DYNC1H1: variants seen among roughly 807,000 people sequenced by gnomAD.
DYNC1H1 encodes dynein cytoplasmic 1 heavy chain 1.
In DYNC1H1, 51 loss-of-function variants were observed where a neutral mutation model predicts 527.1. The ratio of observed to expected loss-of-function variants is 0.10; its 90% CI spans 0.08 to 0.12. DYNC1H1 has a LOEUF of 0.12. Among genes scored for constraint, DYNC1H1 ranks in the 10% least tolerant of loss-of-function variants. DYNC1H1 has a pLI of 1.00. For missense variants in DYNC1H1, 2,771 were observed against 5,971.8 expected (o/e 0.46, Z 17.66); for synonymous variants, 2,189 against 2,278.8 (o/e 0.96, Z 1.12).
In DYNC1H1 at chr14:102,042,532, G is replaced by A. The variant is rs989199431; in HGVS notation, c.12399+25G>A. Reference sequence around the variant, plus strand: ...GGTGGGTGGTTGAAGGAGTGGAGACGTTGCAGGCTGGCCTGGCACTGTGCT... The same window carrying A: ...GGTGGGTGGTTGAAGGAGTGGAGACATTGCAGGCTGGCCTGGCACTGTGCT... On this transcript the variant is annotated intron_variant, in intron 68 of 77. Coordinates refer to ENST00000360184, the MANE Select transcript of DYNC1H1 (RefSeq NM_001376.5). This position sits in a 1 kb window ranked among gnomAD's most constrained non-coding sequence, Gnocchi z 5.7. The A allele has an allele frequency of 1.4e-5, 23 of 1,613,934 alleles. No individual in the cohort carries two copies. The highest frequency in any genetic ancestry group is 3.3e-5 in the South Asian group (3 of 91,078).
Position 101,997,347 on chromosome 14 carries a change from T to C in DYNC1H1, c.3804+73T>C. The C allele has an allele frequency of 1.2e-6, 2 of 1,608,840 alleles. No homozygotes were observed. Among genetic ancestry groups the C allele is most frequent in the Non-Finnish European group, 1.7e-6 (2 of 1,178,324 alleles). ...TGATTTGGTGACTTTCTTTCAAGCC[T>C]AAAAGGCCTTGCTGTGACTGAGCTT... is the stretch of plus-strand genomic sequence containing the variant. On this transcript the variant is annotated intron_variant, in intron 16 of 77. Transcript: ENST00000360184. The surrounding 1 kb of genome is among the most constrained non-coding windows in gnomAD (Gnocchi z 4.8).
intron 34 of DYNC1H1, among the ~76,000 whole-genome samples, chr14:102,013,659 C>T (rs1014170286): frequency 3.3e-5 from 5 of 152,066 alleles, no homozygotes; most frequent in Non-Finnish European, 7.4e-5. Flanking sequence ...TGAGTTTGTA[C>T]ACTGGGCAAG....
chr14:102,049,888 T>C lies in DYNC1H1; in HGVS notation c.13684+6T>C, dbSNP rs1306180160. On this transcript the variant is annotated splice_donor_region_variant and intron_variant, in intron 76 of 77. Coordinates refer to ENST00000360184, the MANE Select transcript of DYNC1H1 (RefSeq NM_001376.5). This position sits in a 1 kb window ranked among gnomAD's most constrained non-coding sequence, Gnocchi z 5.5. ...TTGCAGCTTCGGAGTCACGGGTGAGTGGAGTCTCACAGAAAATACTGGCTC... is the reference window on the plus strand; with the variant it reads ...TTGCAGCTTCGGAGTCACGGGTGAGCGGAGTCTCACAGAAAATACTGGCTC... 1 of 1,599,624 alleles carries C rather than the reference T, an allele frequency of 6.3e-7. No individual in the cohort carries two copies. The highest frequency in any genetic ancestry group is 8.5e-7 in the Non-Finnish European group (1 of 1,176,834).
intron 1 of DYNC1H1, among the ~76,000 whole-genome samples, chr14:101,966,828 G>A (rs1018516632): frequency 4.6e-5 from 7 of 151,908 alleles, no homozygotes; most frequent in African/African-American, 1.7e-4. Flanking sequence ...AAATTATTGG[G>A]GTGGGGGGAC....
Position 102,005,212 on chromosome 14 carries a change from C to G in DYNC1H1, c.5409C>G (p.Leu1803=). The change falls in exon 26 of 78, where the codon CTC becomes CTG. Residue 1803 remains leucine (L), a synonymous_variant. Coordinates refer to ENST00000360184, the MANE Select transcript of DYNC1H1 (RefSeq NM_001376.5). The surrounding 1 kb of genome is among the most constrained non-coding windows in gnomAD (Gnocchi z 4.0). ...ADSVLMEQPP[L]RRRKLEHLIT... is the part of the protein sequence containing the mutation. The stretch of plus-strand genomic sequence containing the variant: ...CTGTCCTCATGGAGCAGCCCCCACT[C>G]CGAAGGCGGAAGCTAGAACACTTGG... The G allele has an allele frequency of 6.2e-7, 1 of 1,614,216 alleles. No homozygotes were observed. The highest frequency in any genetic ancestry group is 8.5e-7 in the Non-Finnish European group (1 of 1,180,050).
rs1057064628 is a variant in DYNC1H1, at chr14:102,051,821, TGGGATTACAG to T, written c.*1260_*1269del. On this transcript the variant is annotated 3_prime_UTR_variant, in exon 78 of 78. Transcript: ENST00000360184. ...CTCCTGCCTCGGCCTCCTGAATAGC[TGGGATTACAG>T]GCATGCACCACCATGCCCAGCTAAT... The T allele has an allele frequency of 6.6e-6, 1 of 152,012 alleles. No homozygotes were observed. Among genetic ancestry groups the T allele is most frequent in the African/African-American group, 2.4e-5 (1 of 41,348 alleles). The allele number at this position is 152,012 out of a possible 1,614,324, so 9.4% of individuals were successfully genotyped here.
In DYNC1H1 at chr14:101,986,152, C is replaced by T. The variant is rs557248415; in HGVS notation, c.1927C>T (p.Pro643Ser). 6.2e-7 allele frequency: 1 copy of T among 1,614,192 alleles called. No individual in the cohort carries two copies. The highest frequency in any genetic ancestry group is 1.6e-4 in the Middle Eastern group (1 of 6,062). ...CKMSHVRDLPPVSGSIIWAKQ... is the reference protein window; with the variant it reads ...CKMSHVRDLPSVSGSIIWAKQ... ...GATGAGTCACGTTCGTGACTTGCCC[C>T]CTGTGTCAGGGTCTATCATCTGGGC... The change falls in exon 8 of 78, where the codon CCT becomes TCT. Residue 643 changes from proline (P) to serine (S), a missense_variant. Physicochemically the swap from Pro to Ser is moderately conservative, Grantham distance 74. Around this residue, in one of 32 missense-constraint regions of DYNC1H1, gnomAD observed 264 missense variants for 619.4 expected, o/e 0.43. Coordinates refer to ENST00000360184, the MANE Select transcript of DYNC1H1 (RefSeq NM_001376.5). This position sits in a 1 kb window ranked among gnomAD's most constrained non-coding sequence, Gnocchi z 8.7.
At chr14:101,966,731 G>GA (rs1046054053) in intron 1 of DYNC1H1, among the ~76,000 whole-genome samples, 2 of 151,382 alleles carry the variant, frequency 1.3e-5, no homozygotes, top group African/African-American at 2.4e-5. Flanking sequence ...CTCTTTTTAT[G>GA]AAAAAAAATT....
At chr14:102,021,656 C>CTT (rs757880988) in intron 42 of DYNC1H1, among the ~76,000 whole-genome samples, 1,981 of 119,776 alleles carry the variant, frequency 0.017, 33 homozygotes, top group South Asian at 0.046. Context: ...TTTTCTTTTT[C>CTT]TTTTTTTTTT....
At position 101,986,795 on chromosome 14, in the gene DYNC1H1, G is replaced by A; in HGVS notation, c.2538+32G>A. ...TCTCATGTAATCCTCAGGTGTCCTG[G>A]TAACGAATGAAGCACAGTAATAGCG... On this transcript the variant is annotated intron_variant, in intron 8 of 77. Coordinates refer to ENST00000360184, the MANE Select transcript of DYNC1H1 (RefSeq NM_001376.5). The surrounding 1 kb of genome is among the most constrained non-coding windows in gnomAD (Gnocchi z 8.7). The A allele has an allele frequency of 6.2e-7, 1 of 1,612,298 alleles. No homozygotes were observed. Among genetic ancestry groups the A allele is most frequent in the African/African-American group, 1.3e-5 (1 of 74,996 alleles).
chr14:101,968,687 G>C (rs866678769), intron 1 of DYNC1H1, among the ~76,000 whole-genome samples: 1 of 151,504 alleles, frequency 6.6e-6, no homozygotes, highest in Non-Finnish European at 1.5e-5. Flanking sequence ...TCAGCCTCCT[G>C]AGTAGCTGGG....
chr14:102,050,465 C>T lies in DYNC1H1; in HGVS notation c.13843C>T (p.Arg4615Cys), dbSNP rs1485723453. Residue 4615 changes from arginine (R) to cysteine (C), a missense_variant, in exon 78 of 78, where the codon CGT becomes TGT. Physicochemically the swap from Arg to Cys is radical, Grantham distance 180. This residue lies in a region of DYNC1H1 where 106 missense variants were observed against 139.2 expected (regional missense o/e 0.76). Coordinates refer to ENST00000360184, the MANE Select transcript of DYNC1H1 (RefSeq NM_001376.5). Reference sequence around the variant, plus strand: ...CTTACCTGTCTACCTGAACTTCACCCGTGCAGACCTCATCTTCACCGTGGA... The same window carrying T: ...CTTACCTGTCTACCTGAACTTCACCTGTGCAGACCTCATCTTCACCGTGGA... ...VTLPVYLNFT[R>C]ADLIFTVDFE... 1.2e-6 allele frequency: 2 copies of T among 1,614,084 alleles called. No individual in the cohort carries two copies. Among genetic ancestry groups the T allele is most frequent in the Non-Finnish European group, 1.7e-6 (2 of 1,180,058 alleles).
chr14:102,050,245 G>A, intron 77 of DYNC1H1, 47 bp downstream of exon 77: 2 of 1,613,714 alleles, frequency 1.2e-6, no homozygotes, highest in Non-Finnish European at 1.7e-6. Flanking sequence ...GACCCCTGCG[G>A]TAACAAGGGC....
Position 102,044,016 on chromosome 14 carries a change from G to C in DYNC1H1, c.12655G>C (p.Val4219Leu). The change falls in exon 70 of 78, where the codon GTG becomes CTG. Residue 4219 changes from valine to leucine, a missense_variant. Val to Leu is a conservative substitution (Grantham distance 32). This residue lies in a region of DYNC1H1 where 195 missense variants were observed against 428.6 expected (regional missense o/e 0.45). Transcript: ENST00000360184. This position sits in a 1 kb window ranked among gnomAD's most constrained non-coding sequence, Gnocchi z 7.1. ...TGACCTGCGGTCAGCTTGCGATACG[G>C]TGGACACGTGGCTGGATGACACGGC... ...ESDLRSACDT[V>L]DTWLDDTAKG... 3.1e-6 allele frequency: 5 copies of C among 1,614,108 alleles called. No individual in the cohort carries two copies. The highest frequency in any genetic ancestry group is 3.4e-6 in the Non-Finnish European group (4 of 1,180,048).
rs191978324 is a variant in DYNC1H1, at chr14:102,011,755, A to G, written c.6619-120A>G. ...TGACAGAGAGAGACTCCGTTTCAGGAAAAAAAAAAAAATCCACACATAATG... is the reference window on the plus strand; with the variant it reads ...TGACAGAGAGAGACTCCGTTTCAGGGAAAAAAAAAAAATCCACACATAATG... On this transcript the variant is annotated intron_variant, in intron 32 of 77. Coordinates refer to ENST00000360184, the MANE Select transcript of DYNC1H1 (RefSeq NM_001376.5). This position sits in a 1 kb window ranked among gnomAD's most constrained non-coding sequence, Gnocchi z 5.3. 237 of 244,078 alleles carry G rather than the reference A, an allele frequency of 9.7e-4. No homozygotes were observed. Among genetic ancestry groups the G allele is most frequent in the South Asian group, 1.9e-3 (17 of 9,084 alleles). The allele number at this position is 244,078 out of a possible 1,614,324, so 15.1% of individuals were successfully genotyped here.
Position 102,026,624 on chromosome 14 carries a change from G to A in DYNC1H1, c.8688G>A (p.Arg2896=). ...AGTTAAGAGATTATGTCAAAGCTAG[G>A]CTGAAGGTCTTTTATGAAGAAGAAC... is the stretch of plus-strand genomic sequence containing the variant. ...QEELRDYVKA[R]LKVFYEEELD... is the part of the protein sequence containing the mutation. The change falls in exon 44 of 78, where the codon AGG becomes AGA. Residue 2896 remains arginine (R), a synonymous_variant. Transcript: ENST00000360184. The A allele has an allele frequency of 1.2e-6, 2 of 1,614,142 alleles. No homozygotes were observed. The highest frequency in any genetic ancestry group is 2.7e-5 in the African/African-American group (2 of 75,010).
In DYNC1H1 at chr14:102,049,259, C is replaced by T. The variant is rs967936797; in HGVS notation, c.13373-181C>T. 111 of 785,298 alleles carry T rather than the reference C, an allele frequency of 1.4e-4. 4 individuals are homozygous for T. The highest frequency in any genetic ancestry group is 9.9e-4 in the South Asian group (62 of 62,752). 48.6% of individuals were successfully genotyped at this position (785,298 alleles called of 1,614,324 possible). A position where few individuals can be genotyped will look rare whatever the true frequency, so the allele number is the denominator to read the frequency against. On this transcript the variant is annotated intron_variant, in intron 74 of 77. Transcript: ENST00000360184. The surrounding 1 kb of genome is among the most constrained non-coding windows in gnomAD (Gnocchi z 5.5). The stretch of plus-strand genomic sequence containing the variant: ...GAGACATGCTCTGGACCAGCCTGAG[C>T]TAGAGCAGATGTGGTGAGGGCGGCG...
chr14:102,030,226 T>C lies in DYNC1H1; in HGVS notation c.9827T>C (p.Met3276Thr). 1.9e-6 allele frequency: 3 copies of C among 1,614,104 alleles called. No homozygotes were observed. The highest frequency in any genetic ancestry group is 2.2e-5 in the East Asian group (1 of 44,878). Residue 3276 changes from methionine (M) to threonine (T), a missense_variant, in exon 51 of 78, where the codon ATG (methionine) becomes ACG (threonine). By Grantham distance (81) the Met-to-Thr change is moderately conservative. Transcript: ENST00000360184. Reference sequence around the variant, plus strand: ...CAGGAGGTAATTGCAGACAAACAGATGAGTGTCAAAGAAGATCTTGATAAG... The same window carrying C: ...CAGGAGGTAATTGCAGACAAACAGACGAGTGTCAAAGAAGATCTTGATAAG... ...KQQEVIADKQ[M>T]SVKEDLDKVE...
chr14:102,017,261 T>C lies in DYNC1H1; in HGVS notation c.8022T>C (p.Tyr2674=). The change falls in exon 39 of 78, where the codon TAT becomes TAC. Residue 2674 remains tyrosine (Y), a synonymous_variant. Coordinates refer to ENST00000360184, the MANE Select transcript of DYNC1H1 (RefSeq NM_001376.5). This position sits in a 1 kb window ranked among gnomAD's most constrained non-coding sequence, Gnocchi z 4.6. ...TCAACTTGCCAGATATGGATAAATA[T>C]GGGACCCAGAGGGTCATATCCTTCA... The part of the protein sequence containing the change: ...DEINLPDMDK[Y]GTQRVISFIR... The C allele has an allele frequency of 6.2e-7, 1 of 1,614,244 alleles. No individual in the cohort carries two copies. Among genetic ancestry groups the C allele is most frequent in the Non-Finnish European group, 8.5e-7 (1 of 1,180,046 alleles).
Sources: gnomAD v4.1 joint callset for allele counts (sites outside exome capture counted in the v4.1 genomes callset) on GRCh38, gnomAD v4.1.1 for gene constraint, gnomAD v4.1.1 regional missense constraint, Gnocchi (gnomAD v3.1) non-coding constraint, MANE v1.5 for transcripts, NCBI Gene and HGNC (gene_info 2026-07-23, HGNC 2026-07-21) for gene names.